The following RXFP1 variants were observed in gnomAD, a reference collection of about 807,000 sequenced individuals.
The protein encoded by RXFP1 is relaxin family peptide receptor 1, also known as relaxin receptor 1.
In RXFP1, 73 loss-of-function variants were observed where a neutral mutation model predicts 89.8. The observed-to-expected ratio is 0.81, with a 90% CI of 0.67 to 0.99. The LOEUF (loss-of-function observed/expected upper bound fraction) is 0.99, where lower values mean the gene tolerates loss of function less well. Among genes scored for constraint, RXFP1 ranks in the 50% least tolerant of loss-of-function variants. The pLI is 0.00. For synonymous variants in RXFP1, 277 were observed against 305.5 expected, an observed-to-expected ratio of 0.91 and a Z score of 0.97; for missense variants, 793 against 895.5, an observed-to-expected ratio of 0.89 and a Z score of 1.46.
At chr4:158,581,169 A>C (rs1306080067) in intron 2 of RXFP1, among the ~76,000 whole-genome samples, 1 of 152,298 alleles carries the variant, frequency 6.6e-6, no homozygotes, top group Middle Eastern at 3.4e-3. Flanking sequence ...GTAATAATAA[A>C]ATTAATAGTG....
chr4:158,648,903 A>T (rs2150272661), intron 17 of RXFP1, among the ~76,000 whole-genome samples, 186 bp downstream of exon 17: 1 of 152,334 alleles, frequency 6.6e-6, no homozygotes, highest in South Asian at 2.1e-4. Context: ...ACTTGAGGTC[A>T]GGAGTTTGAG....
chr4:158,578,262 C>T (rs982671486), intron 2 of RXFP1, among the ~76,000 whole-genome samples: 1 of 152,130 alleles, frequency 6.6e-6, no homozygotes, highest in Non-Finnish European at 1.5e-5. Context: ...AACCATTCTT[C>T]ATCTCTGCTC....
chr4:158,600,656 A>G (rs573396633), intron 4 of RXFP1, among the ~76,000 whole-genome samples: 4 of 152,170 alleles, frequency 2.6e-5, no homozygotes, highest in Admixed American at 2.6e-4. Flanking sequence ...GAGAGAGCCC[A>G]TCACTACAAA....
intron 1 of RXFP1, among the ~76,000 whole-genome samples, chr4:158,548,877 C>G (rs1188429363): frequency 6.6e-6 from 1 of 152,100 alleles, no homozygotes; most frequent in Non-Finnish European, 1.5e-5. Context: ...TCTGGCTGCC[C>G]TTAACATTTT....
At chr4:158,573,834 G>A (rs1755662601) in intron 2 of RXFP1, among the ~76,000 whole-genome samples, 1 of 152,142 alleles carries the variant, frequency 6.6e-6, no homozygotes, top group Non-Finnish European at 1.5e-5. Context: ...GAAGATTAAG[G>A]GTACAGAATT....
intron 14 of RXFP1, among the ~76,000 whole-genome samples, chr4:158,643,376 T>C (rs1770766475): frequency 6.6e-6 from 1 of 152,074 alleles, no homozygotes; most frequent in African/African-American, 2.4e-5. Context: ...GTATCAGTGC[T>C]GCAATAAACA....
intron 1 of RXFP1, among the ~76,000 whole-genome samples, chr4:158,531,954 A>T (rs1744157551): frequency 6.6e-6 from 1 of 151,932 alleles, no homozygotes; most frequent in South Asian, 2.1e-4. Flanking sequence ...TTTGTTTTAC[A>T]TTTAGGGGGT....
At chr4:158,609,301 G>A (rs552564220) in intron 6 of RXFP1, among the ~76,000 whole-genome samples, 1 of 152,248 alleles carries the variant, frequency 6.6e-6, no homozygotes, top group Admixed American at 6.5e-5. Flanking sequence ...TTGCACAAGA[G>A]TTCCGATTTC....
Position 158,607,965 on chromosome 4 carries a change from T to G in RXFP1, c.465-7T>G, listed in dbSNP as rs934149764. ...TTTTTTTTTCTTTTTAATAATCATT[T>G]TCACAGGTACCTGCAAAACAATAAG... On this transcript the variant is annotated splice_region_variant and splice_polypyrimidine_tract_variant and intron_variant, in intron 5 of 17. Transcript: ENST00000307765. 1.9e-6 allele frequency: 3 copies of G among 1,586,402 alleles called. No homozygotes were observed. In the Admixed American group the frequency reaches 5.3e-5, roughly 28 times the overall value.
At chr4:158,574,239 T>G (rs1346124929) in intron 2 of RXFP1, among the ~76,000 whole-genome samples, 1 of 152,234 alleles carries the variant, frequency 6.6e-6, no homozygotes, top group Admixed American at 6.5e-5. Context: ...ACAATGCTAT[T>G]ATGCAAAGTG....
At chr4:158,536,472 T>G (rs1394057507) in intron 1 of RXFP1, among the ~76,000 whole-genome samples, 3 of 152,182 alleles carry the variant, frequency 2.0e-5, no homozygotes, top group Admixed American at 2.0e-4. Context: ...TAGCAGACTT[T>G]TAATTTCCCT....
intron 12 of RXFP1, 29 bp downstream of exon 12, chr4:158,633,505 G>T (rs752818702): frequency 7.3e-7 from 1 of 1,373,292 alleles, no homozygotes; most frequent in Non-Finnish European, 1.0e-6. Flanking sequence ...TTGCCACCTC[G>T]TTTCTTTATT....
intron 1 of RXFP1, among the ~76,000 whole-genome samples, chr4:158,572,100 G>A (rs1755195915): frequency 6.6e-6 from 1 of 152,176 alleles, no homozygotes. Flanking sequence ...TCAAGCCTCT[G>A]TACAAAATCA....
chr4:158,568,105 G>A (rs1393121261), intron 1 of RXFP1, among the ~76,000 whole-genome samples: 2 of 152,138 alleles, frequency 1.3e-5, no homozygotes, highest in South Asian at 2.1e-4. Flanking sequence ...TCACCACAAA[G>A]GCCTTCAGCT....
intron 11 of RXFP1, among the ~76,000 whole-genome samples, chr4:158,632,594 A>G (rs1768277070): frequency 6.6e-6 from 1 of 152,190 alleles, no homozygotes; most frequent in Non-Finnish European, 1.5e-5. Context: ...ACACCTTTTT[A>G]GGACTAAGGT....
At chr4:158,573,293 C>T (rs1436192108) in intron 2 of RXFP1, among the ~76,000 whole-genome samples, 1 of 152,178 alleles carries the variant, frequency 6.6e-6, no homozygotes, top group African/African-American at 2.4e-5. Flanking sequence ...CAGGCATGAG[C>T]CACCGTGCCC....
intron 12 of RXFP1, among the ~76,000 whole-genome samples, chr4:158,634,798 C>T (rs1308407953): frequency 6.6e-6 from 1 of 152,158 alleles, no homozygotes; most frequent in East Asian, 1.9e-4. Flanking sequence ...ACTCTTTCCC[C>T]ATTGAATGTC....
At chr4:158,575,616 G>A (rs1756029708) in intron 2 of RXFP1, among the ~76,000 whole-genome samples, 1 of 152,172 alleles carries the variant, frequency 6.6e-6, no homozygotes. Context: ...TCTCCACCAT[G>A]TAAGGAAACA....
chr4:158,542,012 T>C (rs1275689548), intron 1 of RXFP1, among the ~76,000 whole-genome samples: 2 of 145,754 alleles, frequency 1.4e-5, no homozygotes, highest in Admixed American at 7.0e-5. Context: ...CTCCACCTCC[T>C]GGGTTCAAGC....
Sources: allele counts gnomAD v4.1 joint callset (sites outside exome capture counted in the v4.1 genomes callset), GRCh38; gene constraint gnomAD v4.1.1; transcripts MANE v1.5; gene names NCBI Gene and HGNC (gene_info 2026-07-23, HGNC 2026-07-21).